Variants in ADAMTS18 observed in about 807,000 individuals in gnomAD.
ADAMTS18 encodes the protein ADAM metallopeptidase with thrombospondin type 1 motif 18, also known as A disintegrin and metalloproteinase with thrombospondin motifs 18.
In ADAMTS18, 157 loss-of-function variants were observed where a neutral mutation model predicts 165.9. That is an observed-to-expected ratio of 0.95 (90% confidence interval 0.83 to 1.08). The LOEUF (loss-of-function observed/expected upper bound fraction) is 1.08. ADAMTS18 is among the 50% of genes least tolerant of loss of function. The probability of loss-of-function intolerance (pLI) is 0.00; values close to 1 mark genes in which losing one functional copy is unlikely to be tolerated. For missense variants in ADAMTS18, 2,040 were observed against 1,534.0 expected (o/e 1.33, Z -5.51); for synonymous variants, 782 against 578.2 (o/e 1.35, Z -5.06).
intron 9 of ADAMTS18, among the ~76,000 whole-genome samples, chr16:77,355,324 T>C (rs1421619781): frequency 6.6e-6 from 1 of 152,116 alleles, no homozygotes; most frequent in African/African-American, 2.4e-5. Flanking sequence ...GGTTTCTGTG[T>C]TATTAAAAGC....
intron 16 of ADAMTS18, among the ~76,000 whole-genome samples, chr16:77,304,060 G>A (rs945611535): frequency 3.7e-4 from 56 of 151,780 alleles, no homozygotes; most frequent in African/African-American, 1.3e-3. Context: ...TCCTATAAAA[G>A]GAATTGAAAT....
At chr16:77,403,235 T>A (rs551038971) in intron 3 of ADAMTS18, among the ~76,000 whole-genome samples, 1 of 152,310 alleles carries the variant, frequency 6.6e-6, no homozygotes, top group South Asian at 2.1e-4. Flanking sequence ...GTTAGTACCA[T>A]TAGTCCAGAA....
intron 21 of ADAMTS18, among the ~76,000 whole-genome samples, chr16:77,289,997 A>G (rs1463067148): frequency 1.3e-5 from 2 of 152,238 alleles, no homozygotes. Context: ...AAAAATTTAT[A>G]AAGATACTTC....
intron 2 of ADAMTS18, among the ~76,000 whole-genome samples, chr16:77,434,014 G>A (rs1404463798): frequency 6.6e-6 from 1 of 152,136 alleles, no homozygotes; most frequent in Non-Finnish European, 1.5e-5. Flanking sequence ...AGGAAAGATG[G>A]AGAGAGGAAA....
chr16:77,361,110 A>G (rs2056706806), intron 7 of ADAMTS18, among the ~76,000 whole-genome samples: 1 of 152,106 alleles, frequency 6.6e-6, no homozygotes, highest in South Asian at 2.1e-4. Context: ...AAATTCATAA[A>G]GTTTTATTAA....
In ADAMTS18 at chr16:77,434,785, C is replaced by A. The variant is rs1033718590; in HGVS notation, c.-90G>T. 5 of 1,155,088 alleles carry A rather than the reference C, an allele frequency of 4.3e-6. No individual in the cohort carries two copies. The highest frequency in any genetic ancestry group is 4.5e-6 in the Non-Finnish European group (4 of 896,530). 71.6% of individuals were successfully genotyped at this position (1,155,088 alleles called of 1,614,324 possible). On this transcript the variant is annotated 5_prime_UTR_variant, in exon 1 of 23. Coordinates refer to ENST00000282849, the MANE Select transcript of ADAMTS18 (RefSeq NM_199355.4). ...GCATTCTTTCCGCGGCCCCGGAGCT[C>A]GGCGCCCCAGGTGCGGCTCCAGGTG...
chr16:77,291,517 C>T (rs1162538920), intron 20 of ADAMTS18, 39 bp from the exon 21 acceptor site: 4 of 1,594,020 alleles, frequency 2.5e-6, no homozygotes, highest in Admixed American at 1.7e-5. Context: ...TGAAGACTGC[C>T]AGGATCACAT....
intron 3 of ADAMTS18, among the ~76,000 whole-genome samples, chr16:77,417,637 T>A (rs1022643970): frequency 1.3e-5 from 2 of 152,216 alleles, no homozygotes; most frequent in Non-Finnish European, 2.9e-5. Flanking sequence ...GTATGGCGAC[T>A]ATTTTTAAAA....
At chr16:77,303,621 G>A (rs972864423) in intron 16 of ADAMTS18, among the ~76,000 whole-genome samples, 2 of 94,818 alleles carry the variant, frequency 2.1e-5, no homozygotes, top group Non-Finnish European at 4.2e-5. Context: ...TGACCTCCAC[G>A]GTCAAGACAA....
intron 5 of ADAMTS18, 70 bp from the exon 6 acceptor site, chr16:77,363,955 A>T: frequency 7.0e-7 from 1 of 1,435,282 alleles, no homozygotes; most frequent in South Asian, 1.2e-5. Context: ...AATCAGACAT[A>T]TTGACTGAAG....
At chr16:77,412,811 C>T (rs989851909) in intron 3 of ADAMTS18, among the ~76,000 whole-genome samples, 7 of 152,112 alleles carry the variant, frequency 4.6e-5, no homozygotes, top group Non-Finnish European at 7.4e-5. Flanking sequence ...CCAGGTCCCT[C>T]CCACAACACA....
At chr16:77,324,968 A>G (rs1044494421) in intron 13 of ADAMTS18, among the ~76,000 whole-genome samples, 1 of 151,978 alleles carries the variant, frequency 6.6e-6, no homozygotes, top group Non-Finnish European at 1.5e-5. Context: ...CTAGGCTGAT[A>G]CTGAGCAAAG....
Position 77,284,039 on chromosome 16 carries a change from A to C in ADAMTS18, c.3583T>G (p.Cys1195Gly). Residue 1195 changes from cysteine (C) to glycine (G), a missense_variant, in exon 23 of 23, where the codon TGT becomes GGT. Cys to Gly is a radical substitution (Grantham distance 159). Transcript: ENST00000282849. ...ACACCATGCTGAGGAACTAGGTGAC[A>C]CCAGTTGAAGAAATCTACGCAGGAT... is the stretch of plus-strand genomic sequence containing the variant. ...DPSCVDFFNW[C>G]HLVPQHGVCN... 6.2e-7 allele frequency: 1 copy of C among 1,613,816 alleles called. No homozygotes were observed. Among genetic ancestry groups the C allele is most frequent in the Middle Eastern group, 1.7e-4 (1 of 6,060 alleles).
intron 3 of ADAMTS18, among the ~76,000 whole-genome samples, chr16:77,369,392 T>C (rs2056844745): frequency 6.6e-6 from 1 of 152,220 alleles, no homozygotes; most frequent in African/African-American, 2.4e-5. Context: ...GGGTTTAGTT[T>C]GTTGTTATTT....
chr16:77,410,000 T>C (rs2057440711), intron 3 of ADAMTS18, among the ~76,000 whole-genome samples: 2 of 152,168 alleles, frequency 1.3e-5, no homozygotes, highest in African/African-American at 4.8e-5. Context: ...GACAATTACA[T>C]ATAGGACTGT....
chr16:77,434,339 C>G lies in ADAMTS18; in HGVS notation c.178+79G>C, dbSNP rs1259131147. The G allele has an allele frequency of 6.0e-6, 9 of 1,502,150 alleles. No homozygotes were observed. The African/African-American group carries it at 8.3e-5, about 14-fold the overall frequency. The allele number at this position is 1,502,150 out of a possible 1,614,324, so 93.1% of individuals were successfully genotyped here. A position where few individuals can be genotyped will look rare whatever the true frequency, so the allele number is the denominator to read the frequency against. On this transcript the variant is annotated intron_variant, in intron 2 of 22. Coordinates refer to ENST00000282849, the MANE Select transcript of ADAMTS18 (RefSeq NM_199355.4). ...TGCCAGGTTAGGGGGTGCGCTTTTCCATCTTTTCTCTCTTTGGGGGAAGGA... is the reference window on the plus strand; with the variant it reads ...TGCCAGGTTAGGGGGTGCGCTTTTCGATCTTTTCTCTCTTTGGGGGAAGGA...
chr16:77,355,179 C>T (rs2056609902), intron 9 of ADAMTS18, among the ~76,000 whole-genome samples: 1 of 137,144 alleles, frequency 7.3e-6, no homozygotes, highest in Non-Finnish European at 1.6e-5. Context: ...CCTTGTGGGT[C>T]AATATAGATT....
At chr16:77,366,642 G>C (rs776625794) in intron 4 of ADAMTS18, among the ~76,000 whole-genome samples, 2 of 152,150 alleles carry the variant, frequency 1.3e-5, no homozygotes, top group South Asian at 2.1e-4. Flanking sequence ...AACAACTTGA[G>C]TATGTAAATC....
chr16:77,425,956 G>A (rs998341074), intron 3 of ADAMTS18, among the ~76,000 whole-genome samples: 1 of 152,058 alleles, frequency 6.6e-6, no homozygotes, highest in Non-Finnish European at 1.5e-5. Context: ...TGAGGCAGGA[G>A]AATTGCTTGA....
Sources: allele counts gnomAD v4.1 joint callset (sites outside exome capture counted in the v4.1 genomes callset), GRCh38; gene constraint gnomAD v4.1.1; transcripts MANE v1.5; gene names NCBI Gene and HGNC (gene_info 2026-07-23, HGNC 2026-07-21).